NCOA2: variants seen among roughly 807,000 people sequenced by gnomAD.
NCOA2 encodes nuclear receptor coactivator 2.
A neutral mutation model predicts 145.1 loss-of-function variants in NCOA2; 21 were observed. That is an observed-to-expected ratio of 0.14 (90% confidence interval 0.10 to 0.21). The LOEUF (loss-of-function observed/expected upper bound fraction) is 0.21, where lower values mean the gene tolerates loss of function less well. Among genes scored for constraint, NCOA2 ranks in the 10% least tolerant of loss-of-function variants. The probability of loss-of-function intolerance (pLI) is 1.00; values close to 1 mark genes in which losing one functional copy is unlikely to be tolerated. For missense variants in NCOA2, 1,472 were observed against 1,837.6 expected (o/e 0.80, Z 3.64); for synonymous variants, 619 against 637.5 (o/e 0.97, Z 0.44).
At chr8:70,155,811 G>T (rs1812213690) in intron 11 of NCOA2, among the ~76,000 whole-genome samples, 160 bp downstream of exon 11, 1 of 152,228 alleles carries the variant, frequency 6.6e-6, no homozygotes, top group East Asian at 1.9e-4. Flanking sequence ...TGCTAGGAGA[G>T]TATTTGAAAC....
chr8:70,445,139 T>A, the NCOA2 span, among the ~76,000 whole-genome samples: 6 of 152,192 alleles, frequency 3.9e-5, no homozygotes, highest in Non-Finnish European at 5.9e-5. Flanking sequence ...TGCCATGTTA[T>A]CCTCTATAAT....
chr8:70,312,434 G>C lies in NCOA2; in HGVS notation c.-76-15634C>G, dbSNP rs188994763. ...GGGGGTCTGTATGAAATTAAGATTTGGAATATTTGTAGATTAATAATGCAC... is the reference window on the plus strand; with the variant it reads ...GGGGGTCTGTATGAAATTAAGATTTCGAATATTTGTAGATTAATAATGCAC... On this transcript the variant is annotated intron_variant, in intron 1 of 22. Transcript: ENST00000452400. Among the ~76,000 whole-genome samples, 25 of 152,222 alleles carry C rather than the reference G, an allele frequency of 1.6e-4. 1 individual carries two copies. The highest frequency in any genetic ancestry group is 1.2e-3 in the Admixed American group (19 of 15,284).
chr8:70,424,062 A>T, the NCOA2 span: 1 of 158,386 alleles, frequency 6.3e-6, no homozygotes, highest in African/African-American at 2.4e-5. Flanking sequence ...GGGAGCAGCA[A>T]ACTTTCTCTT....
intron 15 of NCOA2, among the ~76,000 whole-genome samples, chr8:70,136,171 C>T (rs1479466910): frequency 1.3e-5 from 2 of 151,972 alleles, no homozygotes; most frequent in Non-Finnish European, 1.5e-5. Context: ...GTCAGGAGTT[C>T]GAGACCAGCC....
the NCOA2 span, among the ~76,000 whole-genome samples, chr8:70,453,863 A>G: frequency 1.3e-5 from 2 of 152,220 alleles, no homozygotes; most frequent in African/African-American, 4.8e-5. Flanking sequence ...TTATGCTTTA[A>G]ACAACATATG....
chr8:70,279,791 A>G (rs1825741201), intron 2 of NCOA2, among the ~76,000 whole-genome samples: 1 of 152,244 alleles, frequency 6.6e-6, no homozygotes, highest in South Asian at 2.1e-4. Flanking sequence ...TTAAAATGAC[A>G]TAAGGCAGAG....
chr8:70,224,816 T>G (rs541755947), intron 2 of NCOA2, among the ~76,000 whole-genome samples: 55 of 151,742 alleles, frequency 3.6e-4, no homozygotes, highest in African/African-American at 1.2e-3. Flanking sequence ...GTCATTATAA[T>G]AAGAAGTACA....
rs181099739 is a variant in NCOA2, at chr8:70,157,350, A to T, written c.1125-110T>A. 2.4e-5 allele frequency: 23 copies of T among 951,342 alleles called. No individual in the cohort carries two copies. The African/African-American group carries it at 3.1e-4, about 13-fold the overall frequency. The allele number at this position is 951,342 out of a possible 1,614,324, so 58.9% of individuals were successfully genotyped here. A position where few individuals can be genotyped will look rare whatever the true frequency, so the allele number is the denominator to read the frequency against. On this transcript the variant is annotated intron_variant, in intron 10 of 22. Transcript: ENST00000452400. ...TCTTCACCTTAAAAGAACAGGCTAC[A>T]TTTTAAGGATAGATAATACTTTGTT...
At chr8:70,260,461 T>C (rs1325500750) in intron 2 of NCOA2, among the ~76,000 whole-genome samples, 1 of 152,168 alleles carries the variant, frequency 6.6e-6, no homozygotes, top group Non-Finnish European at 1.5e-5. Flanking sequence ...ACATCTCAAA[T>C]GTATTATTTC....
chr8:70,408,785 T>G (rs1185993200), upstream of NCOA2, among the ~76,000 whole-genome samples: 3 of 151,656 alleles, frequency 2.0e-5, no homozygotes, highest in Non-Finnish European at 4.4e-5. Context: ...CTTTTTTTTT[T>G]TTTTTTGGAT....
At position 70,110,461 on chromosome 8, in the gene NCOA2, C is replaced by A. The variant is rs757175542; in HGVS notation, c.*3171G>T. On this transcript the variant is annotated 3_prime_UTR_variant, in exon 23 of 23. Coordinates refer to ENST00000452400, the MANE Select transcript of NCOA2 (RefSeq NM_006540.4). ...CCAGGGAGAAAATTCTAATTAAAATCGAAGCCACTACAGTAATTTTCTTTT... is the reference window on the plus strand; with the variant it reads ...CCAGGGAGAAAATTCTAATTAAAATAGAAGCCACTACAGTAATTTTCTTTT... 5 of 196,610 alleles carry A rather than the reference C, an allele frequency of 2.5e-5. No individual in the cohort carries two copies. In the East Asian group the frequency reaches 3.2e-4, roughly 13 times the overall value. 12.2% of individuals were successfully genotyped at this position (196,610 alleles called of 1,614,324 possible). A position where few individuals can be genotyped will look rare whatever the true frequency, so the allele number is the denominator to read the frequency against.
intron 2 of NCOA2, among the ~76,000 whole-genome samples, chr8:70,249,535 T>G (rs1018127327): frequency 6.6e-6 from 1 of 152,176 alleles, no homozygotes; most frequent in Non-Finnish European, 1.5e-5. Flanking sequence ...TGTATTGTTA[T>G]TGTGAAGAGT....
chr8:70,317,282 A>C (rs566145890), intron 1 of NCOA2, among the ~76,000 whole-genome samples: 1 of 152,266 alleles, frequency 6.6e-6, no homozygotes, highest in Non-Finnish European at 1.5e-5. Context: ...TCACAACTTG[A>C]CTGGTGGACC....
intron 1 of NCOA2, among the ~76,000 whole-genome samples, chr8:70,314,179 CCAAAAA>C (rs1563753577): frequency 5.1e-5 from 1 of 19,742 alleles, no homozygotes; most frequent in African/African-American, 3.0e-4. Context: ...GACTCTGACT[CCAAAAA>C]AAAAAAAAAA....
intron 2 of NCOA2, among the ~76,000 whole-genome samples, chr8:70,279,360 T>C (rs1825708044): frequency 6.6e-6 from 1 of 152,214 alleles, no homozygotes; most frequent in South Asian, 2.1e-4. Flanking sequence ...GCGGATCTAG[T>C]ACAATCAATG....
chr8:70,242,130 T>G (rs1191652802), intron 2 of NCOA2, among the ~76,000 whole-genome samples: 1 of 152,170 alleles, frequency 6.6e-6, no homozygotes, highest in Non-Finnish European at 1.5e-5. Context: ...AACATAAGCC[T>G]CATAGTATGC....
chr8:70,361,292 G>C (rs1810176314), intron 1 of NCOA2, among the ~76,000 whole-genome samples: 1 of 151,902 alleles, frequency 6.6e-6, no homozygotes, highest in African/African-American at 2.4e-5. Context: ...AAGGTGAGCA[G>C]ATCAACAGCC....
intron 1 of NCOA2, among the ~76,000 whole-genome samples, chr8:70,383,741 G>C (rs1327422863): frequency 6.6e-6 from 1 of 152,122 alleles, no homozygotes; most frequent in African/African-American, 2.4e-5. Flanking sequence ...CTGACCTCAG[G>C]TGATCCGCCC....
At chr8:70,316,788 G>A (rs1805616096) in intron 1 of NCOA2, among the ~76,000 whole-genome samples, 1 of 152,110 alleles carries the variant, frequency 6.6e-6, no homozygotes. Flanking sequence ...TAAAATAAAA[G>A]CCAATCAAAT....
Sources: gnomAD v4.1 joint callset for allele counts (sites outside exome capture counted in the v4.1 genomes callset) on GRCh38, gnomAD v4.1.1 for gene constraint, MANE v1.5 for transcripts, NCBI Gene and HGNC (gene_info 2026-07-23, HGNC 2026-07-21) for gene names.